ATAD3A: variants seen among roughly 807,000 people sequenced by gnomAD.
ATAD3A encodes ATPase family AAA domain containing 3A, also known as ATPase family AAA domain-containing protein 3A.
ATAD3A carries 46 observed loss-of-function variants against 73.8 expected under a neutral mutation model. The ratio of observed to expected loss-of-function variants is 0.62; its 90% CI spans 0.49 to 0.80. The LOEUF is 0.80. ATAD3A is among the 30% of genes least tolerant of loss of function. ATAD3A has a pLI of 0.00. For missense variants in ATAD3A, 705 were observed against 838.0 expected (o/e 0.84, Z 1.96); for synonymous variants, 319 against 350.0 (o/e 0.91, Z 0.99).
In ATAD3A at chr1:1,516,057, C is replaced by T. The variant is rs546711654; in HGVS notation, c.251C>T (p.Thr84Met). 43 of 1,613,890 alleles carry T rather than the reference C, an allele frequency of 2.7e-5. 1 individual carries two copies. The highest frequency in any genetic ancestry group is 3.3e-5 in the South Asian group (3 of 91,082). The change falls in exon 2 of 16, where the codon ACG (threonine) becomes ATG (methionine). Residue 84 changes from threonine to methionine, a missense_variant. By Grantham distance (81) the Thr-to-Met change is moderately conservative. Around this residue, in one of 5 missense-constraint regions of ATAD3A, gnomAD observed 125 missense variants for 170.6 expected, o/e 0.73. Coordinates refer to ENST00000378756, the MANE Select transcript of ATAD3A (RefSeq NM_001170535.3). ...ALNLAQMQEQ[T>M]LQLEQQSKLK... The stretch of plus-strand genomic sequence containing the variant: ...AATCTGGCACAGATGCAGGAGCAGA[C>T]GCTGCAGTTGGAGCAACAGTCCAAG...
chr1:1,534,228 G>A lies in ATAD3A; in HGVS notation c.*156G>A, dbSNP rs764844113. On this transcript the variant is annotated 3_prime_UTR_variant, in exon 16 of 16. Transcript: ENST00000378756. ...GGATGTCTTGTGGTGCGGGTCGGCCGTTCTGCCCCCCAGGGCACCCCCTGT... is the reference window on the plus strand; with the variant it reads ...GGATGTCTTGTGGTGCGGGTCGGCCATTCTGCCCCCCAGGGCACCCCCTGT... 2.0e-4 allele frequency: 304 copies of A among 1,498,776 alleles called. No individual in the cohort carries two copies. The highest frequency in any genetic ancestry group is 5.7e-4 in the Admixed American group (27 of 47,682). 92.8% of individuals were successfully genotyped at this position (1,498,776 alleles called of 1,614,324 possible). A position where few individuals can be genotyped will look rare whatever the true frequency, so the allele number is the denominator to read the frequency against.
rs114526742 is a variant in ATAD3A at position 1,520,984 on chromosome 1, G to A, written c.750+367G>A. On this transcript the variant is annotated intron_variant, in intron 7 of 15. Transcript: ENST00000378756. This position sits in a 1 kb window ranked among gnomAD's most constrained non-coding sequence, Gnocchi z 4.0. The stretch of plus-strand genomic sequence containing the variant: ...CGCAGCACTGCACTCCATCCTGGGC[G>A]ACAAAGTCCTTGTCTCAAGAAAAAA... Among the ~76,000 whole-genome samples the A allele has an allele frequency of 2.3e-3, 353 of 151,906 alleles. No homozygotes were observed. The highest frequency in any genetic ancestry group is 4.3e-3 in the Non-Finnish European group (295 of 67,940).
chr1:1,518,397 G>A (rs558752064), intron 4 of ATAD3A, among the ~76,000 whole-genome samples: 1 of 138,966 alleles, frequency 7.2e-6, no homozygotes, highest in South Asian at 2.3e-4. Flanking sequence ...ACACACACAT[G>A]GGCATGCCCC....
chr1:1,516,326 G>A (rs148015858), intron 2 of ATAD3A, among the ~76,000 whole-genome samples: 2,277 of 152,168 alleles, frequency 0.015, 35 homozygotes, highest in Middle Eastern at 0.048. Flanking sequence ...TCGTCCGGAG[G>A]GAGGGCCGGT....
intron 7 of ATAD3A, among the ~76,000 whole-genome samples, 178 bp from the exon 8 acceptor site, chr1:1,522,566 T>G (rs540914837): frequency 1.3e-5 from 2 of 152,312 alleles, no homozygotes; most frequent in South Asian, 2.1e-4. Flanking sequence ...CCCACCTGCC[T>G]CCTGTAACCG....
chr1:1,531,845 A>G (rs1480718234), intron 15 of ATAD3A, among the ~76,000 whole-genome samples: 1 of 151,670 alleles, frequency 6.6e-6, no homozygotes, highest in African/African-American at 2.4e-5. Context: ...CTGTAACCAC[A>G]GCACTTTGGG....
At chr1:1,524,829 C>G (rs1345402520) in intron 11 of ATAD3A, among the ~76,000 whole-genome samples, 1 of 150,630 alleles carries the variant, frequency 6.6e-6, no homozygotes, top group Admixed American at 6.6e-5. Flanking sequence ...GCGCAGGGCA[C>G]AGCCCGGGCA....
intron 15 of ATAD3A, among the ~76,000 whole-genome samples, chr1:1,530,095 G>A (rs1414380544): frequency 2.0e-5 from 3 of 152,182 alleles, no homozygotes; most frequent in Non-Finnish European, 2.9e-5. Flanking sequence ...GTTGGAGCCG[G>A]GGTTCACAGG....
intron 13 of ATAD3A, 147 bp from the exon 14 acceptor site, chr1:1,527,548 G>C: frequency 8.3e-7 from 1 of 1,206,196 alleles, no homozygotes; most frequent in Non-Finnish European, 1.1e-6. Context: ...TGGGTGCAGT[G>C]GGGCAGGTGG....
intron 7 of ATAD3A, among the ~76,000 whole-genome samples, chr1:1,522,479 C>A (rs566643729): frequency 2.0e-4 from 30 of 152,368 alleles, no homozygotes; most frequent in African/African-American, 6.5e-4. Flanking sequence ...CAGGGCCCCG[C>A]TCAGCGACCG....
At chr1:1,516,862 C>T (rs1641375546) in intron 2 of ATAD3A, among the ~76,000 whole-genome samples, 1 of 152,154 alleles carries the variant, frequency 6.6e-6, no homozygotes, top group African/African-American at 2.4e-5. Flanking sequence ...CAAGAGCCCG[C>T]CACCACATCT....
intron 14 of ATAD3A, among the ~76,000 whole-genome samples, chr1:1,528,535 G>A (rs1342607318): frequency 6.6e-6 from 1 of 151,826 alleles, no homozygotes; most frequent in East Asian, 1.9e-4. Flanking sequence ...TGCTGCTCAC[G>A]TGCCTTGAGG....
chr1:1,515,907 C>G, intron 1 of ATAD3A, 105 bp from the exon 2 acceptor site: 1 of 1,322,330 alleles, frequency 7.6e-7, no homozygotes, highest in Non-Finnish European at 1.1e-6. Context: ...GCTTTGAGGT[C>G]GAGGCGTGGC....
Position 1,523,474 on chromosome 1 carries a change from A to C in ATAD3A, c.907-37A>C, listed in dbSNP as rs1557468726. 4 of 1,604,476 alleles carry C rather than the reference A, an allele frequency of 2.5e-6. No homozygotes were observed. The highest frequency in any genetic ancestry group is 2.3e-5 in the East Asian group (1 of 44,232). On this transcript the variant is annotated intron_variant, in intron 8 of 15. Coordinates refer to ENST00000378756, the MANE Select transcript of ATAD3A (RefSeq NM_001170535.3). This position sits in a 1 kb window ranked among gnomAD's most constrained non-coding sequence, Gnocchi z 5.1. Reference sequence around the variant, plus strand: ...TTGGTGGCTGTTCCGTGGCTGTGGCAGGTGACCCGATGGCGCTTCCCCTTC... The same window carrying C: ...TTGGTGGCTGTTCCGTGGCTGTGGCCGGTGACCCGATGGCGCTTCCCCTTC...
chr1:1,518,236 C>T (rs1641436418), intron 4 of ATAD3A, among the ~76,000 whole-genome samples: 1 of 151,274 alleles, frequency 6.6e-6, no homozygotes, highest in Non-Finnish European at 1.5e-5. Flanking sequence ...GCACATACAC[C>T]CCGCACACAC....
chr1:1,531,221 A>G (rs1441971530), intron 15 of ATAD3A, among the ~76,000 whole-genome samples: 2 of 151,504 alleles, frequency 1.3e-5, no homozygotes, highest in East Asian at 1.9e-4. Flanking sequence ...TTGGGAGGCC[A>G]AGGCGGGCAG....
At position 1,522,973 on chromosome 1, in the gene ATAD3A, C is replaced by T. The variant is rs571112784; in HGVS notation, c.906+74C>T. ...CCTTCTGCCCCACGAGCACAGCCCA[C>T]GCACACCCTCCCGTCCCTTCCCTTT... On this transcript the variant is annotated intron_variant, in intron 8 of 15. Coordinates refer to ENST00000378756, the MANE Select transcript of ATAD3A (RefSeq NM_001170535.3). 2.4e-4 allele frequency: 368 copies of T among 1,565,280 alleles called. 2 individuals carry two copies. In the East Asian group the frequency reaches 6.9e-3, roughly 29 times the overall value.
Position 1,520,732 on chromosome 1 carries a change from C to G in ATAD3A, c.750+115C>G. 6.6e-7 allele frequency: 1 copy of G among 1,524,510 alleles called. No individual in the cohort carries two copies. The highest frequency in any genetic ancestry group is 9.0e-7 in the Non-Finnish European group (1 of 1,116,290). The allele number at this position is 1,524,510 out of a possible 1,614,324, so 94.4% of individuals were successfully genotyped here. A position where few individuals can be genotyped will look rare whatever the true frequency, so the allele number is the denominator to read the frequency against. On this transcript the variant is annotated intron_variant, in intron 7 of 15. Transcript: ENST00000378756. This position sits in a 1 kb window ranked among gnomAD's most constrained non-coding sequence, Gnocchi z 4.0. ...CTGCACAGCCCTGTAGCTCTCCCAG[C>G]AGGGAGGAAGCCCACGTTGTACCTG...
chr1:1,512,753 G>C, intron 1 of ATAD3A: 1 of 1,107,354 alleles, frequency 9.0e-7, no homozygotes, highest in South Asian at 2.3e-5. Context: ...GGGGCTGGCC[G>C]TGGTCTTCAG....
Sources: gnomAD v4.1 joint callset for allele counts (sites outside exome capture counted in the v4.1 genomes callset) on GRCh38, gnomAD v4.1.1 for gene constraint, gnomAD v4.1.1 regional missense constraint, Gnocchi (gnomAD v3.1) non-coding constraint, MANE v1.5 for transcripts, NCBI Gene and HGNC (gene_info 2026-07-23, HGNC 2026-07-21) for gene names.